PPP2R3A: variants seen among roughly 807,000 people sequenced by gnomAD.
The protein encoded by PPP2R3A is serine/threonine-protein phosphatase 2A regulatory subunit B'' subunit alpha.
A neutral mutation model predicts 106.9 loss-of-function variants in PPP2R3A; 80 were observed. The observed-to-expected ratio is 0.75, with a 90% CI of 0.62 to 0.90. The LOEUF (loss-of-function observed/expected upper bound fraction) is 0.90, where lower values mean the gene tolerates loss of function less well. Ranked by LOEUF, PPP2R3A falls within the 40% of genes least tolerant of loss-of-function variation. The pLI is 0.00. For missense variants in PPP2R3A, 1,386 were observed against 1,350.4 expected (o/e 1.03, Z -0.41); for synonymous variants, 483 against 468.3 (o/e 1.03, Z -0.41).
At chr3:136,097,312 A>G (rs1439811956) in intron 10 of PPP2R3A, among the ~76,000 whole-genome samples, 1 of 152,186 alleles carries the variant, frequency 6.6e-6, no homozygotes, top group Non-Finnish European at 1.5e-5. Flanking sequence ...CCCTGCTGCT[A>G]AACTTTTCAG....
chr3:136,136,056 A>G lies in PPP2R3A; in HGVS notation c.3330-8987A>G. On this transcript the variant is annotated intron_variant, in intron 13 of 13. Coordinates refer to ENST00000264977, the MANE Select transcript of PPP2R3A (RefSeq NM_002718.5). ...GCAAGACTCCGTCTCAAAAAAAAAAAAAAAAAAAAAAAAAAAATTATATAT... is the reference window on the plus strand; with the variant it reads ...GCAAGACTCCGTCTCAAAAAAAAAAGAAAAAAAAAAAAAAAAATTATATAT... 4.2e-5 allele frequency among the ~76,000 whole-genome samples: 2 copies of G among 47,156 alleles called. 1 individual carries two copies. Among genetic ancestry groups the G allele is most frequent in the Non-Finnish European group, 1.2e-4 (2 of 16,712 alleles). 30.9% of individuals were successfully genotyped at this position (47,156 alleles called of 152,430 possible).
intron 2 of PPP2R3A, among the ~76,000 whole-genome samples, chr3:136,009,381 C>T (rs936555640): frequency 6.6e-6 from 1 of 152,052 alleles, no homozygotes; most frequent in African/African-American, 2.4e-5. Flanking sequence ...AGTCATCTAC[C>T]AACCCAGGTC....
intron 5 of PPP2R3A, among the ~76,000 whole-genome samples, chr3:136,052,410 C>T (rs1935716061): frequency 6.6e-6 from 1 of 152,136 alleles, no homozygotes; most frequent in African/African-American, 2.4e-5. Context: ...TGTCTGTGGT[C>T]CTAGTGCCTA....
intron 5 of PPP2R3A, among the ~76,000 whole-genome samples, chr3:136,069,023 G>T (rs1229797744): frequency 2.6e-5 from 4 of 152,076 alleles, no homozygotes; most frequent in African/African-American, 9.7e-5. Context: ...CATCAAAATC[G>T]TAAGGAAAGA....
At chr3:136,136,074 T>TATATATATATATATATATATA (rs1491542071) in intron 13 of PPP2R3A, among the ~76,000 whole-genome samples, 5 of 30,354 alleles carry the variant, frequency 1.6e-4, no homozygotes, top group South Asian at 2.0e-3. Flanking sequence ...AAAAAAAAAA[T>TATATATATATATATATATATA]TATATATATA....
intron 13 of PPP2R3A, among the ~76,000 whole-genome samples, chr3:136,121,637 G>A (rs932557446): frequency 1.3e-5 from 2 of 152,110 alleles, no homozygotes; most frequent in South Asian, 4.2e-4. Flanking sequence ...CAATTTCTAA[G>A]AGATGAAAGC....
chr3:136,100,967 C>G (rs112047499), intron 10 of PPP2R3A, among the ~76,000 whole-genome samples: 4,965 of 152,282 alleles, frequency 0.033, 288 homozygotes, highest in African/African-American at 0.11. Flanking sequence ...CTGCCATGCT[C>G]TTTCATTCAA....
intron 3 of PPP2R3A, 122 bp from the exon 4 acceptor site, chr3:136,040,737 T>C: frequency 1.5e-6 from 1 of 650,960 alleles, no homozygotes; most frequent in Non-Finnish European, 2.4e-6. Context: ...TCCAGTTTTG[T>C]TCTCCTGAGG....
At chr3:136,065,247 T>C (rs1281365731) in intron 5 of PPP2R3A, among the ~76,000 whole-genome samples, 3 of 152,144 alleles carry the variant, frequency 2.0e-5, no homozygotes, top group African/African-American at 7.2e-5. Flanking sequence ...TTTTCTAAAG[T>C]TGATAAAGTA....
chr3:136,070,442 G>A (rs772254432), intron 5 of PPP2R3A, 36 bp from the exon 6 acceptor site: 1 of 1,546,214 alleles, frequency 6.5e-7, no homozygotes, highest in East Asian at 2.3e-5. Context: ...ATTTTTGTAT[G>A]TTTGTTAATT....
At chr3:136,133,711 G>A (rs1938504068) in intron 13 of PPP2R3A, among the ~76,000 whole-genome samples, 1 of 151,752 alleles carries the variant, frequency 6.6e-6, no homozygotes, top group Admixed American at 6.6e-5. Context: ...CATCAAACTG[G>A]TGAACTGATA....
chr3:136,109,350 C>T (rs774722966), intron 13 of PPP2R3A, among the ~76,000 whole-genome samples: 7 of 151,982 alleles, frequency 4.6e-5, no homozygotes, highest in African/African-American at 9.7e-5. Flanking sequence ...CCAGAACTAA[C>T]GCAAATATTT....
intron 5 of PPP2R3A, among the ~76,000 whole-genome samples, chr3:136,056,510 G>A (rs931445994): frequency 6.6e-6 from 1 of 151,458 alleles, no homozygotes; most frequent in African/African-American, 2.4e-5. Context: ...ATTTTAAAAA[G>A]TACTATATTA....
chr3:136,133,513 G>C (rs1559938683), intron 13 of PPP2R3A, among the ~76,000 whole-genome samples: 1 of 152,024 alleles, frequency 6.6e-6, no homozygotes, highest in Non-Finnish European at 1.5e-5. Flanking sequence ...CTCATACATT[G>C]GGCTGGTAAG....
Position 136,001,694 on chromosome 3 carries a change from G to GAGTT in PPP2R3A, c.196_197insAGTT (p.Ala66GlufsTer12). The GAGTT allele has an allele frequency of 6.2e-7, 1 of 1,614,116 alleles. No homozygotes were observed. The highest frequency in any genetic ancestry group is 8.5e-7 in the Non-Finnish European group (1 of 1,180,016). On this transcript the variant is annotated frameshift_variant, in exon 2 of 14. Transcript: ENST00000264977. LOFTEE classifies it high-confidence loss of function. ...CATCCCTGTGTCTCAGTTCAAAGAT[G>GAGTT]CAGATCTGAACTCTATGTTTCTACC...
chr3:136,083,027 T>C (rs1285113831), intron 8 of PPP2R3A, among the ~76,000 whole-genome samples: 1 of 152,156 alleles, frequency 6.6e-6, no homozygotes, highest in East Asian at 1.9e-4. Flanking sequence ...TATCCTTGGT[T>C]TTTTTGAGAC....
Position 136,087,870 on chromosome 3 carries a change from T to G in PPP2R3A, c.2789-13T>G. 6.3e-7 allele frequency: 1 copy of G among 1,599,832 alleles called. No homozygotes were observed. Among genetic ancestry groups the G allele is most frequent in the Non-Finnish European group, 8.5e-7 (1 of 1,171,894 alleles). On this transcript the variant is annotated splice_polypyrimidine_tract_variant and intron_variant, in intron 8 of 13. Coordinates refer to ENST00000264977, the MANE Select transcript of PPP2R3A (RefSeq NM_002718.5). Reference sequence around the variant, plus strand: ...CTAACTAGCTTTGCAATTTTTTTTTTATCTACATTTAGCTTCATCAAGCAG... The same window carrying G: ...CTAACTAGCTTTGCAATTTTTTTTTGATCTACATTTAGCTTCATCAAGCAG...
intron 2 of PPP2R3A, among the ~76,000 whole-genome samples, chr3:136,014,438 C>A (rs1204456609): frequency 6.6e-6 from 1 of 152,100 alleles, no homozygotes; most frequent in Non-Finnish European, 1.5e-5. Context: ...ATTGATCCTA[C>A]CCACCCATCC....
chr3:136,031,956 C>G (rs1478247839), intron 3 of PPP2R3A, among the ~76,000 whole-genome samples: 2 of 152,048 alleles, frequency 1.3e-5, no homozygotes, highest in African/African-American at 4.8e-5. Flanking sequence ...TAGATTTATT[C>G]TTTTTGCTTA....
Sources: allele counts gnomAD v4.1 joint callset (sites outside exome capture counted in the v4.1 genomes callset), GRCh38; gene constraint gnomAD v4.1.1; transcripts MANE v1.5; gene names NCBI Gene and HGNC (gene_info 2026-07-23, HGNC 2026-07-21).